SMS: variants seen among roughly 807,000 people sequenced by gnomAD.
SMS encodes the protein spermine synthase.
A neutral mutation model predicts 33.0 loss-of-function variants in SMS; 3 were observed. The ratio of observed to expected loss-of-function variants is 0.09; its 90% CI spans 0.04 to 0.23. The LOEUF (loss-of-function observed/expected upper bound fraction) is 0.23. Among genes scored for constraint, SMS ranks in the 10% least tolerant of loss-of-function variants. The probability of loss-of-function intolerance (pLI) is 1.00; values close to 1 mark genes in which losing one functional copy is unlikely to be tolerated. For synonymous variants in SMS, 103 were observed against 112.2 expected, an observed-to-expected ratio of 0.92 and a Z score of 0.52; for missense variants, 117 against 288.6, an observed-to-expected ratio of 0.41 and a Z score of 4.31.
intron 4 of SMS, among the ~76,000 whole-genome samples, chrX:21,973,196 C>T (rs969400257): frequency 3.6e-5 from 4 of 112,289 alleles, no homozygotes; most frequent in Non-Finnish European, 5.6e-5. Flanking sequence ...GAGCTGCCAC[C>T]TCATCAAAGG....
chrX:21,976,891 C>T (rs1159939714), intron 4 of SMS, among the ~76,000 whole-genome samples, 170 bp from the exon 5 acceptor site: 1 of 112,432 alleles, frequency 8.9e-6, no homozygotes, highest in Admixed American at 9.4e-5. Context: ...TAGTTGTCAA[C>T]ATTTGGTGGT....
intron 2 of SMS, among the ~76,000 whole-genome samples, chrX:21,967,570 T>C (rs745535401): frequency 3.0e-4 from 34 of 111,892 alleles, no homozygotes; most frequent in Middle Eastern, 4.6e-3. Context: ...ACAAGTTTTT[T>C]GTTAAGACTG....
chrX:21,967,716 C>T (rs1923838830), intron 2 of SMS, among the ~76,000 whole-genome samples: 1 of 112,074 alleles, frequency 8.9e-6, no homozygotes, highest in Admixed American at 9.4e-5. Context: ...TACAGGTACG[C>T]ACCCAGGGAG....
At chrX:21,965,845 A>T (rs766940422) in intron 1 of SMS, among the ~76,000 whole-genome samples, 1 of 111,831 alleles carries the variant, frequency 8.9e-6, no homozygotes, top group African/African-American at 3.2e-5. Context: ...AGTCCCAGCT[A>T]CTTGGGAGGC....
chrX:21,963,250 G>T (rs1923482074), intron 1 of SMS, among the ~76,000 whole-genome samples: 1 of 111,126 alleles, frequency 9.0e-6, no homozygotes, highest in East Asian at 2.9e-4. Context: ...TGACAGGGAG[G>T]CCCCAAATCA....
At chrX:21,987,240 G>T (rs1243407728) in intron 9 of SMS, among the ~76,000 whole-genome samples, 1 of 111,800 alleles carries the variant, frequency 8.9e-6, no homozygotes, top group African/African-American at 3.3e-5. Context: ...CAGGTGATAC[G>T]CCCCCCTCGG....
At position 21,963,968 on chromosome X, in the gene SMS, A is replaced by T. The variant is rs562193310; in HGVS notation, c.50-3228A>T. Among the ~76,000 whole-genome samples, 27 of 111,266 alleles carry T rather than the reference A, an allele frequency of 2.4e-4. No homozygotes were observed. The South Asian group carries it at 9.9e-3, about 41-fold the overall frequency. On this transcript the variant is annotated intron_variant, in intron 1 of 10. Transcript: ENST00000404933. Reference sequence around the variant, plus strand: ...GGGAAAGTTCTGCCTGGCTCAGTACACTCAAGCCACCTCCACAGTGGGCTG... The same window carrying T: ...GGGAAAGTTCTGCCTGGCTCAGTACTCTCAAGCCACCTCCACAGTGGGCTG...
At chrX:21,971,025 C>T (rs759995388) in intron 2 of SMS, among the ~76,000 whole-genome samples, 83 of 109,253 alleles carry the variant, frequency 7.6e-4, no homozygotes, top group African/African-American at 2.4e-3. Context: ...GGTGAAACCC[C>T]GTCTCTACTA....
chrX:21,969,317 A>G (rs1457418271), intron 2 of SMS, among the ~76,000 whole-genome samples: 1 of 111,925 alleles, frequency 8.9e-6, no homozygotes, highest in Non-Finnish European at 1.9e-5. Context: ...AAATGTATCT[A>G]AGATGATGAT....
intron 1 of SMS, chrX:21,941,364 G>A (rs1921756809): frequency 8.2e-6 from 2 of 243,388 alleles, no homozygotes; most frequent in Non-Finnish European, 1.5e-5. Context: ...GTTCTTGCAG[G>A]CGGGTAAATT....
At chrX:21,990,518 G>A (rs1486064806) in intron 9 of SMS, among the ~76,000 whole-genome samples, 4 of 112,485 alleles carry the variant, frequency 3.6e-5, no homozygotes, top group African/African-American at 1.3e-4. Flanking sequence ...AAGAAAAAAT[G>A]TCATTCCATT....
intron 1 of SMS, 36 bp downstream of exon 1, chrX:21,940,909 C>G: frequency 4.1e-6 from 4 of 969,470 alleles, no homozygotes; most frequent in Non-Finnish European, 5.4e-6. Context: ...TGGCCATCCC[C>G]GCCGCTCCCG....
rs760039249 is a variant in SMS, at chrX:21,967,362, CAG to C, written c.170+51_170+52del. On this transcript the variant is annotated intron_variant, in intron 2 of 10. Coordinates refer to ENST00000404933, the MANE Select transcript of SMS (RefSeq NM_004595.5). The stretch of plus-strand genomic sequence containing the variant: ...TTCTTCATACCTGGTCACTTATGAG[CAG>C]AGAGGGTGACAGAGTGGAGGATGGG... 3.4e-6 allele frequency: 4 copies of C among 1,188,932 alleles called. No individual in the cohort carries two copies. In the East Asian group the frequency reaches 1.2e-4, roughly 36 times the overall value.
intron 1 of SMS, among the ~76,000 whole-genome samples, chrX:21,942,906 C>T (rs1368471500): frequency 2.0e-5 from 2 of 101,893 alleles, no homozygotes; most frequent in Non-Finnish European, 3.9e-5. Flanking sequence ...GTGGTGCGAT[C>T]TCGGCTCACT....
At chrX:21,971,211 C>A (rs1415321885) in intron 2 of SMS, among the ~76,000 whole-genome samples, 4 of 109,689 alleles carry the variant, frequency 3.6e-5, no homozygotes, top group Non-Finnish European at 5.7e-5. Flanking sequence ...AAAAAAAAAA[C>A]CAACATGCAT....
rs1036460838 is a variant in SMS at position 21,985,133 on chromosome X, T to C, written c.866-11T>C. 3 of 1,129,583 alleles carry C rather than the reference T, an allele frequency of 2.7e-6. No homozygotes were observed. The highest frequency in any genetic ancestry group is 3.7e-6 in the Non-Finnish European group (3 of 821,631). 93.1% of individuals were successfully genotyped at this position (1,129,583 alleles called of 1,213,427 possible). A position where few individuals can be genotyped will look rare whatever the true frequency, so the allele number is the denominator to read the frequency against. ...CCCATATTTATGAAACTTGTTCTTT[T>C]AAACATTCAGATTCCACATGGGAGT... On this transcript the variant is annotated splice_polypyrimidine_tract_variant and intron_variant, in intron 8 of 10. Coordinates refer to ENST00000404933, the MANE Select transcript of SMS (RefSeq NM_004595.5).
chrX:21,970,745 GTTTT>G (rs756995067), intron 2 of SMS, among the ~76,000 whole-genome samples: 3 of 82,248 alleles, frequency 3.6e-5, no homozygotes, highest in Non-Finnish European at 4.8e-5. Flanking sequence ...ATTATTTTTA[GTTTT>G]TTTTTTTTTT....
chrX:21,945,634 T>TCCCCCCCCCCCC (rs376720187), intron 1 of SMS, among the ~76,000 whole-genome samples: 20 of 34,146 alleles, frequency 5.9e-4, no homozygotes, highest in African/African-American at 5.5e-4. Context: ...TTGCTTCCCG[T>TCCCCCCCCCCCC]CCCCCCCCCC....
chrX:21,975,946 T>C (rs1423106644), intron 4 of SMS, among the ~76,000 whole-genome samples: 1 of 110,732 alleles, frequency 9.0e-6, no homozygotes, highest in African/African-American at 3.3e-5. Context: ...TCATGGCGTT[T>C]TAATGTTGAA....
Sources: allele counts gnomAD v4.1 joint callset (sites outside exome capture counted in the v4.1 genomes callset), GRCh38; gene constraint gnomAD v4.1.1; transcripts MANE v1.5; gene names NCBI Gene and HGNC (gene_info 2026-07-23, HGNC 2026-07-21).